AFF3: variants seen among roughly 807,000 people sequenced by gnomAD.
AFF3 encodes the protein ALF transcription elongation factor 3, also known as AF4/FMR2 family member 3.
AFF3 carries 32 observed loss-of-function variants against 129.7 expected under a neutral mutation model. That is an observed-to-expected ratio of 0.25 (90% CI 0.19 to 0.33). The LOEUF (loss-of-function observed/expected upper bound fraction) is 0.33, where lower values mean the gene tolerates loss of function less well. Ranked by LOEUF, AFF3 falls within the 10% of genes least tolerant of loss-of-function variation. The probability of loss-of-function intolerance (pLI) is 1.00; values close to 1 mark genes in which losing one functional copy is unlikely to be tolerated. For synonymous variants in AFF3, 644 were observed against 635.4 expected (o/e 1.01, Z -0.20); for missense variants, 1,373 against 1,592.0 (o/e 0.86, Z 2.34).
At chr2:100,053,637 C>T (rs78028190) in intron 4 of AFF3, among the ~76,000 whole-genome samples, 4 of 152,250 alleles carry the variant, frequency 2.6e-5, no homozygotes, top group East Asian at 1.9e-4. Flanking sequence ...TGAGTGTCTT[C>T]GTCTTTCCGG....
chr2:99,948,322 G>A (rs1481083032), intron 7 of AFF3, among the ~76,000 whole-genome samples: 1 of 152,052 alleles, frequency 6.6e-6, no homozygotes, highest in Non-Finnish European at 1.5e-5. Context: ...CCTTTATGAA[G>A]CTCCAAGTTT....
At chr2:99,630,441 C>G (rs1429098335) in intron 13 of AFF3, 1 of 152,204 alleles carries the variant, frequency 6.6e-6, no homozygotes, top group Admixed American at 6.5e-5. Context: ...GGAAGGATTA[C>G]AGTCCCAGGG....
chr2:100,060,161 C>A (rs1187699652), intron 4 of AFF3, among the ~76,000 whole-genome samples: 1 of 152,154 alleles, frequency 6.6e-6, no homozygotes, highest in Non-Finnish European at 1.5e-5. Context: ...TTGCTCAGCT[C>A]TGTGTTATCC....
intron 11 of AFF3, among the ~76,000 whole-genome samples, chr2:99,724,469 C>T (rs138354505): frequency 0.024 from 3,618 of 151,698 alleles, 52 homozygotes; most frequent in Non-Finnish European, 0.03. Flanking sequence ...GGTGGGGTTT[C>T]GCCATGTTGG....
intron 7 of AFF3, among the ~76,000 whole-genome samples, chr2:99,992,472 A>G (rs1680443794): frequency 6.6e-6 from 1 of 152,250 alleles, no homozygotes; most frequent in Non-Finnish European, 1.5e-5. Context: ...AGCTATATTT[A>G]TACTTACTTC....
At chr2:100,057,320 C>CCAAA (rs1311566975) in intron 4 of AFF3, among the ~76,000 whole-genome samples, 1 of 55,058 alleles carries the variant, frequency 1.8e-5, no homozygotes, top group Non-Finnish European at 3.4e-5. Context: ...GACTCTGTCT[C>CCAAA]AAAAAAAAAA....
intron 7 of AFF3, among the ~76,000 whole-genome samples, chr2:99,923,069 T>C (rs1055190791): frequency 5.3e-5 from 8 of 152,324 alleles, no homozygotes; most frequent in Admixed American, 5.2e-4. Context: ...TTCTGCCCTA[T>C]ACCACCTTTG....
At position 99,837,542 on chromosome 2, in the gene AFF3, A is replaced by C; in HGVS notation, c.874-18T>G. 1 of 1,611,496 alleles carries C rather than the reference A, an allele frequency of 6.2e-7. No homozygotes were observed. Among genetic ancestry groups the C allele is most frequent in the Non-Finnish European group, 8.5e-7 (1 of 1,178,790 alleles). On this transcript the variant is annotated intron_variant, in intron 7 of 24. Transcript: ENST00000672756. ...CTACTCTCCTGAAAGCAAAGAAAAA[A>C]AAATTAAGCCTGATGGAATAGATTG...
chr2:99,585,500 G>A lies in AFF3; in HGVS notation c.2591+1654C>T, dbSNP rs192904976. On this transcript the variant is annotated intron_variant, in intron 16 of 24. Coordinates refer to ENST00000672756, the MANE Select transcript of AFF3 (RefSeq NM_001386135.1). Reference sequence around the variant, plus strand: ...CCACTTAACAGCAACAAAACCATCAGAACTAAGAGGCTCTTCCAGGCTAAG... The same window carrying A: ...CCACTTAACAGCAACAAAACCATCAAAACTAAGAGGCTCTTCCAGGCTAAG... Among the ~76,000 whole-genome samples, 9 of 152,242 alleles carry A rather than the reference G, an allele frequency of 5.9e-5. No individual in the cohort carries two copies. The East Asian group carries it at 1.7e-3, about 29-fold the overall frequency.
chr2:99,747,175 C>T (rs527929311), intron 9 of AFF3, among the ~76,000 whole-genome samples: 1 of 151,972 alleles, frequency 6.6e-6, no homozygotes, highest in Non-Finnish European at 1.5e-5. Flanking sequence ...ATTACAGGCA[C>T]CTGCCACCAG....
intron 7 of AFF3, among the ~76,000 whole-genome samples, chr2:99,979,635 C>T (rs887013511): frequency 6.6e-6 from 1 of 151,944 alleles, no homozygotes; most frequent in Non-Finnish European, 1.5e-5. Context: ...TGCACCACCA[C>T]GACCAGCTAA....
chr2:99,585,975 C>T (rs1322873198), intron 16 of AFF3, among the ~76,000 whole-genome samples: 2 of 152,060 alleles, frequency 1.3e-5, no homozygotes, highest in Admixed American at 6.5e-5. Flanking sequence ...GTGATCCGCC[C>T]GCCTCAGCCT....
intron 7 of AFF3, among the ~76,000 whole-genome samples, chr2:99,891,958 G>A (rs1251186122): frequency 6.6e-6 from 1 of 152,124 alleles, no homozygotes; most frequent in Non-Finnish European, 1.5e-5. Context: ...GAGTAGCTGG[G>A]ACTACAGGCA....
At position 99,996,527 on chromosome 2, in the gene AFF3, A is replaced by ATT. The variant is rs756231548; in HGVS notation, c.873+10103_873+10104dup. Among the ~76,000 whole-genome samples, 272 of 114,064 alleles carry ATT rather than the reference A, an allele frequency of 2.4e-3. 4 individuals are homozygous for ATT. The highest frequency in any genetic ancestry group is 4.9e-3 in the African/African-American group (124 of 25,502). The allele number at this position is 114,064 out of a possible 152,430, so 74.8% of individuals were successfully genotyped here. A position where few individuals can be genotyped will look rare whatever the true frequency, so the allele number is the denominator to read the frequency against. On this transcript the variant is annotated intron_variant, in intron 7 of 24. Transcript: ENST00000672756. ...AGGCACCTGCCACCACGCCCGGCTA[A>ATT]TTTTTTTTTTTTTTTTTTTTTTTTT...
intron 13 of AFF3, among the ~76,000 whole-genome samples, chr2:99,644,449 A>T (rs997326911): frequency 6.6e-6 from 1 of 152,086 alleles, no homozygotes; most frequent in Non-Finnish European, 1.5e-5. Context: ...TTTTTATAAA[A>T]CCCAAGTTAC....
chr2:99,712,206 C>T (rs1677960020), intron 11 of AFF3, among the ~76,000 whole-genome samples: 1 of 152,208 alleles, frequency 6.6e-6, no homozygotes, highest in South Asian at 2.1e-4. Context: ...TTAAAACTTT[C>T]CTAGGTCCTA....
intron 8 of AFF3, among the ~76,000 whole-genome samples, chr2:99,753,240 C>G (rs1251753548): frequency 2.0e-5 from 3 of 152,108 alleles, no homozygotes; most frequent in Non-Finnish European, 2.9e-5. Context: ...GCTGGGATTA[C>G]AGGTGCGTGC....
intron 7 of AFF3, among the ~76,000 whole-genome samples, chr2:99,909,571 G>A (rs1267994630): frequency 1.3e-5 from 2 of 151,072 alleles, no homozygotes; most frequent in African/African-American, 2.4e-5. Context: ...AAACCCACAC[G>A]TTGTGCACAT....
At chr2:99,629,375 C>A (rs1046355058) in intron 13 of AFF3, among the ~76,000 whole-genome samples, 1 of 152,144 alleles carries the variant, frequency 6.6e-6, no homozygotes, top group East Asian at 1.9e-4. Context: ...AATAGCTGAG[C>A]CGAGAGCCAC....
Sources: gnomAD v4.1 joint callset for allele counts (sites outside exome capture counted in the v4.1 genomes callset) on GRCh38, gnomAD v4.1.1 for gene constraint, MANE v1.5 for transcripts, NCBI Gene and HGNC (gene_info 2026-07-23, HGNC 2026-07-21) for gene names.